PRKG2: variants seen among roughly 807,000 people sequenced by gnomAD.
PRKG2 encodes the protein protein kinase cGMP-dependent 2, also known as cGMP-dependent protein kinase 2.
Under a neutral mutation model 97.2 loss-of-function variants are expected in PRKG2, and 33 were observed. The ratio of observed to expected loss-of-function variants is 0.34; its 90% CI spans 0.26 to 0.45. The LOEUF (loss-of-function observed/expected upper bound fraction) is 0.45, where lower values mean the gene tolerates loss of function less well. Ranked by LOEUF, PRKG2 falls within the 20% of genes least tolerant of loss-of-function variation. PRKG2 has a pLI of 1.00. For missense variants in PRKG2, 638 were observed against 900.0 expected (o/e 0.71, Z 3.73); for synonymous variants, 330 against 321.8 (o/e 1.03, Z -0.27).
chr4:81,176,145 C>T (rs1404517205), intron 2 of PRKG2: 8 of 152,076 alleles, frequency 5.3e-5, no homozygotes, highest in Non-Finnish European at 8.8e-5. Flanking sequence ...TTCTTCTTCC[C>T]TACAGTGACT....
At chr4:81,092,122 A>G (rs1741599245) in intron 18 of PRKG2, among the ~76,000 whole-genome samples, 1 of 152,114 alleles carries the variant, frequency 6.6e-6, no homozygotes, top group African/African-American at 2.4e-5. Flanking sequence ...TGTCAGCCTG[A>G]ACAACACTGA....
intron 1 of PRKG2, among the ~76,000 whole-genome samples, chr4:81,205,779 T>C (rs1222029078): frequency 1.3e-5 from 2 of 152,180 alleles, no homozygotes; most frequent in African/African-American, 2.4e-5. Context: ...ATTAAGAATG[T>C]CCTCCTAACA....
chr4:81,091,926 AATTT>A (rs1741579131), intron 18 of PRKG2, among the ~76,000 whole-genome samples: 1 of 152,296 alleles, frequency 6.6e-6, no homozygotes, highest in Admixed American at 6.5e-5. Flanking sequence ...GGATTTAGAA[AATTT>A]ATTATGGAAA....
At chr4:81,193,238 T>C (rs1456965484) in intron 2 of PRKG2, 1 of 152,168 alleles carries the variant, frequency 6.6e-6, no homozygotes, top group Admixed American at 6.5e-5. Context: ...AGAAAACATA[T>C]GGTAAGGCAT....
At chr4:81,208,041 C>T (rs1381062117) in intron 1 of PRKG2, among the ~76,000 whole-genome samples, 1 of 152,132 alleles carries the variant, frequency 6.6e-6, no homozygotes, top group Non-Finnish European at 1.5e-5. Flanking sequence ...CAGAGGGCAG[C>T]ACATGATGCA....
chr4:81,135,019 G>T, intron 14 of PRKG2, 136 bp downstream of exon 14: 1 of 755,924 alleles, frequency 1.3e-6, no homozygotes, highest in East Asian at 2.8e-5. Flanking sequence ...CAGTATTGTC[G>T]GGAAATGTCA....
At chr4:81,117,901 A>T (rs1744707318) in intron 14 of PRKG2, among the ~76,000 whole-genome samples, 1 of 152,142 alleles carries the variant, frequency 6.6e-6, no homozygotes, top group South Asian at 2.1e-4. Flanking sequence ...TATTTTATGG[A>T]TTTGGACACA....
rs1741330129 is a variant in PRKG2, at chr4:81,089,428, TAACAAAA to T, written c.*273_*279del. The T allele has an allele frequency of 3.4e-6, 1 of 293,272 alleles. No homozygotes were observed. Among genetic ancestry groups the T allele is most frequent in the Admixed American group, 5.0e-5 (1 of 19,948 alleles). The allele number at this position is 293,272 out of a possible 1,614,324, so 18.2% of individuals were successfully genotyped here. ...TAGATTGCAGAAAAAACTGCCACTT[TAACAAAA>T]ATGGCTCTGATTGTGGAAAGGAAAA... On this transcript the variant is annotated 3_prime_UTR_variant, in exon 19 of 19. Transcript: ENST00000264399.
chr4:81,133,749 A>G (rs1251260800), intron 14 of PRKG2, among the ~76,000 whole-genome samples: 1 of 152,172 alleles, frequency 6.6e-6, no homozygotes, highest in African/African-American at 2.4e-5. Context: ...AGCAGAATGG[A>G]TAACAGCAGT....
chr4:81,142,851 G>A lies in PRKG2; in HGVS notation c.1350C>T (p.Phe450=). 1 of 1,613,124 alleles carries A rather than the reference G, an allele frequency of 6.2e-7. No homozygotes were observed. Among genetic ancestry groups the A allele is most frequent in the South Asian group, 1.1e-5 (1 of 90,870 alleles). ...KVARFSSSSP[F]QNLEIIATLG... ...GTGTTGCAATAATCTCAAGGTTCTG[G>A]AATGGGGATGATGAGGAAAATCTGG... is the stretch of plus-strand genomic sequence containing the variant. The change falls in exon 11 of 19, where the codon TTC becomes TTT. Residue 450 remains phenylalanine (F), a synonymous_variant. Transcript: ENST00000264399.
At chr4:81,186,723 C>T (rs1165241925) in intron 2 of PRKG2, among the ~76,000 whole-genome samples, 1 of 151,798 alleles carries the variant, frequency 6.6e-6, no homozygotes, top group East Asian at 1.9e-4. Flanking sequence ...TAGATAGACC[C>T]CTAGCCAGAC....
At chr4:81,149,510 T>C (rs1294924046) in intron 8 of PRKG2, among the ~76,000 whole-genome samples, 2 of 152,156 alleles carry the variant, frequency 1.3e-5, no homozygotes, top group African/African-American at 4.8e-5. Context: ...ATTGATAAAT[T>C]GTAGTGTAAT....
chr4:81,186,728 C>A (rs1407099884), intron 2 of PRKG2, among the ~76,000 whole-genome samples: 4 of 152,022 alleles, frequency 2.6e-5, no homozygotes, highest in Non-Finnish European at 4.4e-5. Context: ...AGACCCCTAG[C>A]CAGACTAATA....
intron 2 of PRKG2, among the ~76,000 whole-genome samples, chr4:81,176,281 C>T (rs376419683): frequency 3.3e-5 from 5 of 152,138 alleles, no homozygotes; most frequent in South Asian, 2.1e-4. Context: ...GATGGCACCA[C>T]AGTCCAAGAA....
Position 81,104,425 on chromosome 4 carries a change from G to A in PRKG2, c.2071C>T (p.Pro691Ser). The A allele has an allele frequency of 6.9e-7, 1 of 1,448,622 alleles. No homozygotes were observed. Among genetic ancestry groups the A allele is most frequent in the Non-Finnish European group, 9.1e-7 (1 of 1,095,194 alleles). The allele number at this position is 1,448,622 out of a possible 1,614,324, so 89.7% of individuals were successfully genotyped here. The change falls in exon 17 of 19, where the codon CCA becomes TCA. Residue 691 changes from proline (P) to serine (S), a missense_variant. Around this residue, in one of 3 missense-constraint regions of PRKG2, gnomAD observed 304 missense variants for 460.5 expected, o/e 0.66. Transcript: ENST00000264399. The part of the protein sequence containing the change: ...DLIRRLCRQN[P>S]TERLGNLKNG... ...TTCAGATTTCCCAGCCTTTCTGTTGGATTTTGCCTAAAACAATAATTTGTA... is the reference window on the plus strand; with the variant it reads ...TTCAGATTTCCCAGCCTTTCTGTTGAATTTTGCCTAAAACAATAATTTGTA...
At chr4:81,159,565 T>C (rs1749425965) in intron 6 of PRKG2, among the ~76,000 whole-genome samples, 1 of 152,086 alleles carries the variant, frequency 6.6e-6, no homozygotes, top group Non-Finnish European at 1.5e-5. Context: ...TCCTCAGGGA[T>C]CTAGAACTAG....
intron 17 of PRKG2, among the ~76,000 whole-genome samples, chr4:81,101,816 G>A (rs1327780552): frequency 6.6e-6 from 1 of 151,906 alleles, no homozygotes; most frequent in South Asian, 2.1e-4. Flanking sequence ...AGAAGAGACT[G>A]AGAAAATCTG....
At position 81,147,143 on chromosome 4, in the gene PRKG2, A is replaced by G. The variant is rs547173974; in HGVS notation, c.1154+1741T>C. Among the ~76,000 whole-genome samples the G allele has an allele frequency of 2.1e-3, 326 of 152,322 alleles. 3 individuals are homozygous for G. The highest frequency in any genetic ancestry group is 7.6e-3 in the African/African-American group (317 of 41,568). On this transcript the variant is annotated intron_variant, in intron 9 of 18. Coordinates refer to ENST00000264399, the MANE Select transcript of PRKG2 (RefSeq NM_006259.3). ...AATTATAAACTGGCAAGTAACTTGT[A>G]AGCCATATAAAATTATTGCATCCTC...
At chr4:81,198,559 T>C (rs565140757) in intron 2 of PRKG2, among the ~76,000 whole-genome samples, 78 of 152,114 alleles carry the variant, frequency 5.1e-4, no homozygotes, top group African/African-American at 1.7e-3. Context: ...ACTCACACTG[T>C]AGGCTGCACA....
Sources: gnomAD v4.1 joint callset for allele counts (sites outside exome capture counted in the v4.1 genomes callset) on GRCh38, gnomAD v4.1.1 for gene constraint, gnomAD v4.1.1 regional missense constraint, MANE v1.5 for transcripts, NCBI Gene and HGNC (gene_info 2026-07-23, HGNC 2026-07-21) for gene names.